PTPRG: variants seen among roughly 807,000 people sequenced by gnomAD.
PTPRG encodes protein tyrosine phosphatase receptor type G.
Under a neutral mutation model 165.3 loss-of-function variants are expected in PTPRG, and 102 were observed. That is an observed-to-expected ratio of 0.62 (90% CI 0.53 to 0.73). The LOEUF is 0.73. PTPRG is among the 30% of genes least tolerant of loss of function. PTPRG has a pLI of 0.00. For synonymous variants in PTPRG, 675 were observed against 669.5 expected, an observed-to-expected ratio of 1.01 and a Z score of -0.13; for missense variants, 1,866 against 1,861.4, an observed-to-expected ratio of 1.00 and a Z score of -0.05.
At chr3:62,058,927 C>T (rs1700717504) in intron 4 of PTPRG, among the ~76,000 whole-genome samples, 1 of 152,154 alleles carries the variant, frequency 6.6e-6, no homozygotes, top group Non-Finnish European at 1.5e-5. Flanking sequence ...TGCTTATGAG[C>T]AATTGTCACA....
At chr3:61,965,610 T>C (rs1011075930) in intron 2 of PTPRG, among the ~76,000 whole-genome samples, 13 of 142,640 alleles carry the variant, frequency 9.1e-5, no homozygotes, top group Non-Finnish European at 1.4e-4. Flanking sequence ...GCTTTGGGTA[T>C]GCTCATTCAT....
intron 2 of PTPRG, among the ~76,000 whole-genome samples, chr3:61,896,654 A>C (rs12488881): frequency 2.0e-5 from 3 of 152,196 alleles, no homozygotes; most frequent in Non-Finnish European, 4.4e-5. Context: ...TGGCTGTACC[A>C]TTTTGCATTC....
At chr3:61,820,603 G>GTTTTTTTTTTTTTTTTTT (rs11329820) in intron 2 of PTPRG, among the ~76,000 whole-genome samples, 33 of 65,732 alleles carry the variant, frequency 5.0e-4, no homozygotes, top group African/African-American at 1.9e-3. Context: ...CTGTGTCTCT[G>GTTTTTTTTTTTTTTTTTT]TTTTTTTTTT....
At chr3:62,160,894 A>G (rs1704734205) in intron 7 of PTPRG, among the ~76,000 whole-genome samples, 1 of 119,874 alleles carries the variant, frequency 8.3e-6, no homozygotes, top group Non-Finnish European at 1.6e-5. Context: ...TTTTTCTGAC[A>G]GTAAGCTGGA....
At chr3:61,914,450 G>A (rs979244744) in intron 2 of PTPRG, among the ~76,000 whole-genome samples, 1 of 152,204 alleles carries the variant, frequency 6.6e-6, no homozygotes, top group Non-Finnish European at 1.5e-5. Context: ...TTGCCATCTG[G>A]TAGTCATCAT....
At chr3:61,826,120 A>G (rs879654103) in intron 2 of PTPRG, among the ~76,000 whole-genome samples, 3 of 152,242 alleles carry the variant, frequency 2.0e-5, no homozygotes, top group Non-Finnish European at 2.9e-5. Context: ...TAAAATACAT[A>G]TCTTAAGTTA....
At chr3:61,740,751 AAAC>A (rs2032945098) in intron 1 of PTPRG, among the ~76,000 whole-genome samples, 1 of 152,216 alleles carries the variant, frequency 6.6e-6, no homozygotes, top group South Asian at 2.1e-4. Flanking sequence ...TTTACTTAAA[AAAC>A]ATCATGGCTC....
chr3:62,244,478 CACCA>C (rs1198070698), intron 15 of PTPRG, among the ~76,000 whole-genome samples: 1 of 152,112 alleles, frequency 6.6e-6, no homozygotes, highest in Non-Finnish European at 1.5e-5. Flanking sequence ...AGATCTCACC[CACCA>C]TTTTTATTTG....
chr3:62,277,037 T>C lies in PTPRG; in HGVS notation c.3625T>C (p.Ser1209Pro). Residue 1209 changes from serine to proline, a missense_variant, in exon 25 of 30, where the codon TCT becomes CCT. By Grantham distance (74) the Ser-to-Pro change is moderately conservative. Coordinates refer to ENST00000474889, the MANE Select transcript of PTPRG (RefSeq NM_002841.4). ...GMKGTDYINA[S>P]YIMGYYRSNE... is the part of the protein sequence containing the mutation. ...GAAAGGAACAGATTACATTAATGCTTCTTATATCATGGTGAGAGTCAACAG... is the reference window on the plus strand; with the variant it reads ...GAAAGGAACAGATTACATTAATGCTCCTTATATCATGGTGAGAGTCAACAG... The C allele has an allele frequency of 1.9e-6, 3 of 1,612,152 alleles. No homozygotes were observed. The highest frequency in any genetic ancestry group is 2.5e-6 in the Non-Finnish European group (3 of 1,178,554).
chr3:62,107,831 C>T (rs534241132), intron 5 of PTPRG, among the ~76,000 whole-genome samples: 238 of 73,376 alleles, frequency 3.2e-3, no homozygotes, highest in African/African-American at 9.0e-3. Flanking sequence ...AATTCCCATT[C>T]TTCTTAGTTA....
intron 4 of PTPRG, among the ~76,000 whole-genome samples, chr3:62,063,760 C>A (rs1700903407): frequency 6.6e-6 from 1 of 152,188 alleles, no homozygotes. Context: ...GCCTCATCCT[C>A]CCAAAATGCT....
intron 4 of PTPRG, among the ~76,000 whole-genome samples, chr3:62,036,977 G>GCACA (rs1553707718): frequency 4.4e-5 from 4 of 91,156 alleles, no homozygotes; most frequent in Non-Finnish European, 6.7e-5. Flanking sequence ...ACGTGCGCGC[G>GCACA]CGCACGCACA....
At chr3:61,623,096 A>G (rs903183611) in intron 1 of PTPRG, among the ~76,000 whole-genome samples, 1 of 152,218 alleles carries the variant, frequency 6.6e-6, no homozygotes, top group Non-Finnish European at 1.5e-5. Context: ...TGTAAACAAT[A>G]GAATGGATTA....
intron 1 of PTPRG, among the ~76,000 whole-genome samples, chr3:61,643,756 T>C (rs983472285): frequency 2.1e-5 from 3 of 141,018 alleles, no homozygotes; most frequent in African/African-American, 8.7e-5. Context: ...AGAATGAGAC[T>C]CTGTCTCAAA....
chr3:62,271,699 T>C lies in PTPRG; in HGVS notation c.3182+144T>C. The C allele has an allele frequency of 1.6e-6, 1 of 623,042 alleles. No individual in the cohort carries two copies. The highest frequency in any genetic ancestry group is 2.5e-6 in the Non-Finnish European group (1 of 392,784). 38.6% of individuals were successfully genotyped at this position (623,042 alleles called of 1,614,324 possible). On this transcript the variant is annotated intron_variant, in intron 21 of 29. Transcript: ENST00000474889. The surrounding 1 kb of genome is among the most constrained non-coding windows in gnomAD (Gnocchi z 4.1). ...GGGATGGATAAGACCTATGATAGTC[T>C]TAAAGAGGCTCTATTCCTGTAACAT... is the stretch of plus-strand genomic sequence containing the variant.
At chr3:62,066,341 T>G (rs575298926) in intron 4 of PTPRG, among the ~76,000 whole-genome samples, 1 of 152,340 alleles carries the variant, frequency 6.6e-6, no homozygotes, top group Non-Finnish European at 1.5e-5. Flanking sequence ...TTTGAATGAT[T>G]TATAACCTTT....
At position 62,286,306 on chromosome 3, in the gene PTPRG, A is replaced by G. The variant is rs545809268; in HGVS notation, c.4055+3437A>G. ...CTTTCATGTTGTCTTCTTCCCTAAG[A>G]TTGATACTTATTCCAGCTTCAATTT... On this transcript the variant is annotated intron_variant, in intron 28 of 29. Coordinates refer to ENST00000474889, the MANE Select transcript of PTPRG (RefSeq NM_002841.4). 2.8e-3 allele frequency among the ~76,000 whole-genome samples: 427 copies of G among 152,262 alleles called. 1 individual carries two copies. The highest frequency in any genetic ancestry group is 4.1e-3 in the Non-Finnish European group (281 of 68,010).
At chr3:62,272,828 C>G (rs962689868) in intron 21 of PTPRG, 118 bp from the exon 22 acceptor site, 21 of 1,190,664 alleles carry the variant, frequency 1.8e-5, no homozygotes, top group Non-Finnish European at 2.1e-5. Context: ...CAGAGTGAAA[C>G]TCCATCTCAT....
chr3:61,957,894 G>T (rs1270760262), intron 2 of PTPRG, among the ~76,000 whole-genome samples: 1 of 152,156 alleles, frequency 6.6e-6, no homozygotes, highest in Non-Finnish European at 1.5e-5. Context: ...CCCTTTCTTA[G>T]TCTGAAAGCA....
Sources: gnomAD v4.1 joint callset for allele counts (sites outside exome capture counted in the v4.1 genomes callset) on GRCh38, gnomAD v4.1.1 for gene constraint, Gnocchi (gnomAD v3.1) non-coding constraint, MANE v1.5 for transcripts, NCBI Gene and HGNC (gene_info 2026-07-23, HGNC 2026-07-21) for gene names.